The following EYS variants were observed in gnomAD, a reference collection of about 807,000 sequenced individuals.
EYS encodes the protein protein eyes shut homolog.
Under a neutral mutation model 282.1 loss-of-function variants are expected in EYS, and 250 were observed. The ratio of observed to expected loss-of-function variants is 0.89; its 90% CI spans 0.80 to 0.98. EYS has a LOEUF of 0.98. Ranked by LOEUF, EYS falls within the 50% of genes least tolerant of loss-of-function variation. The pLI is 0.00. For missense variants in EYS, 4,016 were observed against 3,709.0 expected (o/e 1.08, Z -2.15); for synonymous variants, 1,355 against 1,282.9 (o/e 1.06, Z -1.20).
chr6:64,207,072 G>T (rs1326456098), intron 31 of EYS, among the ~76,000 whole-genome samples: 1 of 152,050 alleles, frequency 6.6e-6, no homozygotes, highest in Non-Finnish European at 1.5e-5. Context: ...ATGACATGCA[G>T]TATTTGATTT....
At chr6:65,619,228 T>C (rs1315008620) in intron 2 of EYS, among the ~76,000 whole-genome samples, 2 of 151,674 alleles carry the variant, frequency 1.3e-5, no homozygotes, top group African/African-American at 2.4e-5. Flanking sequence ...TTTTATTTCA[T>C]TGAGCAGTGG....
chr6:65,204,072 G>A (rs1368166708), intron 12 of EYS, among the ~76,000 whole-genome samples: 1 of 152,034 alleles, frequency 6.6e-6, no homozygotes, highest in African/African-American at 2.4e-5. Context: ...GTTATGTAAA[G>A]CGACCAAATC....
At chr6:64,712,343 G>A (rs761508589) in intron 22 of EYS, among the ~76,000 whole-genome samples, 6 of 152,210 alleles carry the variant, frequency 3.9e-5, no homozygotes, top group Non-Finnish European at 5.9e-5. Context: ...AGAGATAAGA[G>A]TGTTTGTGGA....
At chr6:63,930,952 G>C (rs549037533) in intron 35 of EYS, among the ~76,000 whole-genome samples, 3 of 152,218 alleles carry the variant, frequency 2.0e-5, no homozygotes, top group Non-Finnish European at 4.4e-5. Context: ...CCCCTTTCTG[G>C]TTGTTTGAGA....
At chr6:64,214,782 T>C (rs1289502305) in intron 31 of EYS, among the ~76,000 whole-genome samples, 1 of 152,060 alleles carries the variant, frequency 6.6e-6, no homozygotes, top group Non-Finnish European at 1.5e-5. Flanking sequence ...ATTTATGTTA[T>C]GGAATTTATT....
intron 31 of EYS, among the ~76,000 whole-genome samples, chr6:64,166,656 T>C (rs940798700): frequency 2.6e-5 from 4 of 152,128 alleles, no homozygotes; most frequent in African/African-American, 9.7e-5. Context: ...CAGGGCAAAG[T>C]TGGTGCTAAT....
At chr6:63,758,402 T>C (rs1434591554) in intron 41 of EYS, among the ~76,000 whole-genome samples, 1 of 152,158 alleles carries the variant, frequency 6.6e-6, no homozygotes, top group African/African-American at 2.4e-5. Context: ...ATGATAAAAA[T>C]ATCTATGTGA....
chr6:65,516,448 A>C (rs1284247051), intron 2 of EYS, among the ~76,000 whole-genome samples: 3 of 152,084 alleles, frequency 2.0e-5, no homozygotes, highest in African/African-American at 7.2e-5. Flanking sequence ...ACATGTAAAC[A>C]ACTTTCAGAA....
At chr6:64,727,012 CGAA>C (rs1771779173) in intron 22 of EYS, among the ~76,000 whole-genome samples, 1 of 152,056 alleles carries the variant, frequency 6.6e-6, no homozygotes, top group East Asian at 1.9e-4. Flanking sequence ...ATCCTGTCAC[CGAA>C]TGGTGAGCAA....
chr6:65,064,709 CA>C (rs1442129405), intron 12 of EYS, among the ~76,000 whole-genome samples: 1 of 151,866 alleles, frequency 6.6e-6, no homozygotes, highest in African/African-American at 2.4e-5. Context: ...TTTCTTGGTT[CA>C]AACACTCACA....
At position 64,411,833 on chromosome 6, in the gene EYS, G is replaced by C. The variant is rs372356707; in HGVS notation, c.5928-22993C>G. 3.0e-5 allele frequency among the ~76,000 whole-genome samples: 3 copies of C among 100,048 alleles called. No individual in the cohort carries two copies. In the East Asian group the frequency reaches 1.2e-3, roughly 41 times the overall value. 65.6% of individuals were successfully genotyped at this position (100,048 alleles called of 152,430 possible). A position where few individuals can be genotyped will look rare whatever the true frequency, so the allele number is the denominator to read the frequency against. On this transcript the variant is annotated intron_variant, in intron 28 of 42. Coordinates refer to ENST00000503581, the MANE Select transcript of EYS (RefSeq NM_001142800.2). ...TGTATATGAATATACACATATATGAGATACACATATATGTTTGCATATATG... is the reference window on the plus strand; with the variant it reads ...TGTATATGAATATACACATATATGACATACACATATATGTTTGCATATATG...
intron 6 of EYS, among the ~76,000 whole-genome samples, chr6:65,403,291 T>C (rs1489904556): frequency 6.6e-6 from 1 of 152,056 alleles, no homozygotes; most frequent in African/African-American, 2.4e-5. Context: ...AAAATGAAAT[T>C]AAATTTGCTG....
chr6:64,649,832 A>T (rs190959312), intron 22 of EYS, among the ~76,000 whole-genome samples: 1 of 152,290 alleles, frequency 6.6e-6, no homozygotes, highest in East Asian at 1.9e-4. Context: ...AATGTTTATA[A>T]TACATTATTA....
chr6:63,971,156 T>G lies in EYS; in HGVS notation c.7055+13227A>C, dbSNP rs577329406. ...GTTGTAAAGTAGAACAGGCAATAGA[T>G]AGTCAAGCCCAGCAATGGAGAACTG... On this transcript the variant is annotated intron_variant, in intron 35 of 42. Transcript: ENST00000503581. Among the ~76,000 whole-genome samples the G allele has an allele frequency of 5.3e-5, 8 of 152,304 alleles. No individual in the cohort carries two copies. The East Asian group carries it at 1.5e-3, about 29-fold the overall frequency.
At chr6:63,855,493 T>C (rs1485947831) in intron 36 of EYS, among the ~76,000 whole-genome samples, 1 of 152,220 alleles carries the variant, frequency 6.6e-6, no homozygotes, top group Non-Finnish European at 1.5e-5. Context: ...GATTATCTCC[T>C]AAGTATAGGT....
chr6:63,938,270 A>C (rs1382935726), intron 35 of EYS, among the ~76,000 whole-genome samples: 1 of 152,212 alleles, frequency 6.6e-6, no homozygotes, highest in Non-Finnish European at 1.5e-5. Context: ...TCTAATTATC[A>C]GGCTTGGAGT....
chr6:65,538,745 C>T (rs1301137610), intron 2 of EYS, among the ~76,000 whole-genome samples: 2 of 152,096 alleles, frequency 1.3e-5, no homozygotes, highest in Admixed American at 6.6e-5. Context: ...TGAAACCCTT[C>T]CATGACTCCT....
At chr6:65,575,999 T>G (rs1764651953) in intron 2 of EYS, among the ~76,000 whole-genome samples, 1 of 152,034 alleles carries the variant, frequency 6.6e-6, no homozygotes, top group East Asian at 1.9e-4. Flanking sequence ...CAGTGCTGAA[T>G]TCTAGCAAAC....
At chr6:63,868,236 T>C (rs894306527) in intron 35 of EYS, among the ~76,000 whole-genome samples, 2 of 152,160 alleles carry the variant, frequency 1.3e-5, no homozygotes, top group Non-Finnish European at 2.9e-5. Flanking sequence ...TTTGGAATTG[T>C]AACTGCTACG....
Sources: gnomAD v4.1 joint callset for allele counts (sites outside exome capture counted in the v4.1 genomes callset) on GRCh38, gnomAD v4.1.1 for gene constraint, MANE v1.5 for transcripts, NCBI Gene and HGNC (gene_info 2026-07-23, HGNC 2026-07-21) for gene names.